Variants in ZNF100 observed in about 807,000 individuals in gnomAD.
ZNF100 encodes the protein zinc finger protein 100 (Y1).
In ZNF100, 12 loss-of-function variants were observed where a neutral mutation model predicts 15.8. The observed-to-expected ratio is 0.76, with a 90% CI of 0.49 to 1.23. ZNF100 has a LOEUF of 1.23. Among genes scored for constraint, ZNF100 ranks in the 50% most tolerant of loss-of-function variants. The pLI is 0.00. For missense variants in ZNF100, 670 were observed against 635.6 expected (o/e 1.05, Z -0.58); for synonymous variants, 226 against 214.8 (o/e 1.05, Z -0.45).
chr19:21,742,195 G>A (rs1268770423), intron 4 of ZNF100, among the ~76,000 whole-genome samples: 1 of 151,358 alleles, frequency 6.6e-6, no homozygotes, highest in Non-Finnish European at 1.5e-5. Context: ...TACTCGGGAC[G>A]CTGAGGCAGG....
Position 21,727,987 on chromosome 19 carries a change from T to C in ZNF100, c.325A>G (p.Ile109Val), listed in dbSNP as rs2035844454. Residue 109 changes from isoleucine to valine, a missense_variant and splice_region_variant, in exon 5 of 5, where the codon ATA (isoleucine) becomes GTA (valine). Transcript: ENST00000358296. The part of the protein sequence containing the change: ...RHEMVAKPPV[I>V]CSHFPQDLWA... The stretch of plus-strand genomic sequence containing the variant: ...AGGTCTTGGGGAAAATGAGAACATA[T>C]AACTGAAAGAAATAAAAATAACAAA... 6.6e-7 allele frequency: 1 copy of C among 1,511,146 alleles called. No homozygotes were observed. The highest frequency in any genetic ancestry group is 1.4e-5 in the African/African-American group (1 of 71,470). 93.6% of individuals were successfully genotyped at this position (1,511,146 alleles called of 1,614,324 possible). A position where few individuals can be genotyped will look rare whatever the true frequency, so the allele number is the denominator to read the frequency against.
At position 21,767,530 on chromosome 19, in the gene ZNF100, G is replaced by A; in HGVS notation, c.-101C>T. Reference sequence around the variant, plus strand: ...TAGGCCCCTAGGAGCAGAAGACACAGAGAAGTGAGAGCAAAACCTGGAGCT... The same window carrying A: ...TAGGCCCCTAGGAGCAGAAGACACAAAGAAGTGAGAGCAAAACCTGGAGCT... On this transcript the variant is annotated 5_prime_UTR_variant, in exon 1 of 5. Coordinates refer to ENST00000358296, the MANE Select transcript of ZNF100 (RefSeq NM_173531.4). 2 of 1,538,766 alleles carry A rather than the reference G, an allele frequency of 1.3e-6. No individual in the cohort carries two copies. The highest frequency in any genetic ancestry group is 8.8e-7 in the Non-Finnish European group (1 of 1,132,458).
intron 1 of ZNF100, among the ~76,000 whole-genome samples, chr19:21,766,065 G>A (rs917024025): frequency 6.6e-6 from 1 of 152,102 alleles, no homozygotes; most frequent in Non-Finnish European, 1.5e-5. Flanking sequence ...TTTCCTTTTC[G>A]TGGGAAATAT....
At chr19:21,753,639 C>A (rs1322053278) in intron 2 of ZNF100, 1 of 152,172 alleles carries the variant, frequency 6.6e-6, no homozygotes, top group African/African-American at 2.4e-5. Flanking sequence ...AGCACTTCTA[C>A]AAGTATCAAA....
chr19:21,743,335 G>A (rs1221309870), intron 4 of ZNF100: 3 of 152,184 alleles, frequency 2.0e-5, no homozygotes, highest in Non-Finnish European at 4.4e-5. Flanking sequence ...TTGTTAAAGT[G>A]TCATATTATC....
rs115078786 is a variant in ZNF100 at position 21,757,076 on chromosome 19, G to A, written c.96+8618C>T. Among the ~76,000 whole-genome samples the A allele has an allele frequency of 4.4e-3, 667 of 152,324 alleles. 1 individual carries two copies. Among genetic ancestry groups the A allele is most frequent in the African/African-American group, 0.016 (645 of 41,570 alleles). On this transcript the variant is annotated intron_variant, in intron 2 of 4. Coordinates refer to ENST00000358296, the MANE Select transcript of ZNF100 (RefSeq NM_173531.4). ...AGCACTTTGGGAGGCCAAGGTGGGT[G>A]TGGATCAGTTGAGGTAAGGAGTGCG...
chr19:21,742,480 G>A (rs2036133748), intron 4 of ZNF100, among the ~76,000 whole-genome samples: 1 of 147,332 alleles, frequency 6.8e-6, no homozygotes, highest in Non-Finnish European at 1.5e-5. Flanking sequence ...GGCAACAACA[G>A]TGAAACGCCG....
chr19:21,727,048 T>A lies in ZNF100; in HGVS notation c.1264A>T (p.Ile422Phe). The A allele has an allele frequency of 1.2e-6, 2 of 1,613,834 alleles. No individual in the cohort carries two copies. Among genetic ancestry groups the A allele is most frequent in the South Asian group, 1.1e-5 (1 of 91,072 alleles). Residue 422 changes from isoleucine (I) to phenylalanine (F), a missense_variant, in exon 5 of 5, where the codon ATT becomes TTT. Coordinates refer to ENST00000358296, the MANE Select transcript of ZNF100 (RefSeq NM_173531.4). Reference sequence around the variant, plus strand: ...TTGTAGGGTTTCTCTCCAGTATGAATTCTCTTATGTTTAGTGAGGGCTGAG... The same window carrying A: ...TTGTAGGGTTTCTCTCCAGTATGAAATCTCTTATGTTTAGTGAGGGCTGAG... The part of the protein sequence containing the change: ...WSSALTKHKR[I>F]HTGEKPYKCE...
chr19:21,757,393 T>G (rs951227818), intron 2 of ZNF100, among the ~76,000 whole-genome samples: 5 of 152,158 alleles, frequency 3.3e-5, no homozygotes, highest in African/African-American at 9.7e-5. Context: ...AGCCAAGATA[T>G]GCCACTGAAC....
intron 2 of ZNF100, among the ~76,000 whole-genome samples, chr19:21,760,944 C>G (rs770900552): frequency 6.6e-6 from 1 of 151,472 alleles, no homozygotes; most frequent in Non-Finnish European, 1.5e-5. Flanking sequence ...ATTTTTAGTA[C>G]AGACAGGGTT....
intron 2 of ZNF100, among the ~76,000 whole-genome samples, chr19:21,763,037 T>C (rs553693178): frequency 6.6e-6 from 1 of 152,300 alleles, no homozygotes; most frequent in East Asian, 1.9e-4. Flanking sequence ...CAGTTACCCT[T>C]TAGGGTCCAA....
At chr19:21,739,660 C>T (rs1364010757) in intron 4 of ZNF100, among the ~76,000 whole-genome samples, 12 of 152,016 alleles carry the variant, frequency 7.9e-5, no homozygotes, top group Non-Finnish European at 1.5e-4. Context: ...GTAAAACTGG[C>T]AACTCCAACA....
In ZNF100 at chr19:21,765,708, A is replaced by G. The variant is rs1374246144; in HGVS notation, c.82T>C (p.Ser28Pro). 1 of 1,614,120 alleles carries G rather than the reference A, an allele frequency of 6.2e-7. No homozygotes were observed. The highest frequency in any genetic ancestry group is 8.5e-7 in the Non-Finnish European group (1 of 1,180,000). Residue 28 changes from serine to proline, a missense_variant, in exon 2 of 5, where the codon TCT becomes CCT. Ser to Pro is a moderately conservative substitution (Grantham distance 74, BLOSUM62 -1). Coordinates refer to ENST00000358296, the MANE Select transcript of ZNF100 (RefSeq NM_173531.4). ...CAAGGGGTTACCTTTTCAAAATAAG[A>G]CTGCACCAGAAGACTCCTCTCAGCC... ...PGAERSLLVQ[S>P]YFEKGPLTFR...
At position 21,766,789 on chromosome 19, in the gene ZNF100, C is replaced by G. The variant is rs930373307; in HGVS notation, c.3+638G>C. Among the ~76,000 whole-genome samples, 3 of 152,078 alleles carry G rather than the reference C, an allele frequency of 2.0e-5. No individual in the cohort carries two copies. In the East Asian group the frequency reaches 5.8e-4, roughly 30 times the overall value. Reference sequence around the variant, plus strand: ...CGGGCGGATCACGAGGTCAGGAGTTCAAGACCAGCCTGGCCAACGAGGTGA... The same window carrying G: ...CGGGCGGATCACGAGGTCAGGAGTTGAAGACCAGCCTGGCCAACGAGGTGA... On this transcript the variant is annotated intron_variant, in intron 1 of 4. Transcript: ENST00000358296.
intron 2 of ZNF100, chr19:21,750,690 G>A: frequency 3.9e-6 from 1 of 253,958 alleles, no homozygotes; most frequent in Non-Finnish European, 7.4e-6. Context: ...CCCGGGGCGG[G>A]TCGCGGGGTG....
At chr19:21,736,867 C>T (rs2036016191) in intron 4 of ZNF100, among the ~76,000 whole-genome samples, 1 of 151,972 alleles carries the variant, frequency 6.6e-6, no homozygotes, top group Non-Finnish European at 1.5e-5. Flanking sequence ...AGACAATATA[C>T]CAGAATCTCT....
intron 2 of ZNF100, among the ~76,000 whole-genome samples, chr19:21,761,053 C>T (rs1568312676): frequency 1.3e-5 from 2 of 151,794 alleles, no homozygotes; most frequent in South Asian, 2.1e-4. Context: ...CAACCGTGCC[C>T]GGCCTGAGGA....
chr19:21,741,383 TA>T (rs200687117), intron 4 of ZNF100, among the ~76,000 whole-genome samples: 2 of 151,658 alleles, frequency 1.3e-5, no homozygotes, highest in African/African-American at 4.8e-5. Context: ...TTATTATTAT[TA>T]TTTTTTTTGA....
chr19:21,733,331 C>CTTAATTGA (rs59791264), intron 4 of ZNF100, among the ~76,000 whole-genome samples: 1 of 151,782 alleles, frequency 6.6e-6, no homozygotes, highest in African/African-American at 2.4e-5. Context: ...AATATAACAA[C>CTTAATTGA]AGAGGTTTTG....
Sources: allele counts gnomAD v4.1 joint callset (sites outside exome capture counted in the v4.1 genomes callset), GRCh38; gene constraint gnomAD v4.1.1; transcripts MANE v1.5; gene names NCBI Gene and HGNC (gene_info 2026-07-23, HGNC 2026-07-21).